PGM5: variants seen among roughly 807,000 people sequenced by gnomAD.
PGM5 encodes the protein phosphoglucomutase-like protein 5.
In PGM5, 23 loss-of-function variants were observed where a neutral mutation model predicts 59.2. The ratio of observed to expected loss-of-function variants is 0.39; its 90% CI spans 0.28 to 0.55. The LOEUF (loss-of-function observed/expected upper bound fraction) is 0.55. Ranked by LOEUF, PGM5 falls within the 20% of genes least tolerant of loss-of-function variation. PGM5 has a pLI of 0.66. For missense variants in PGM5, 574 were observed against 748.3 expected (o/e 0.77, Z 2.72); for synonymous variants, 214 against 286.0 (o/e 0.75, Z 2.54).
intron 10 of PGM5, among the ~76,000 whole-genome samples, chr9:68,506,424 T>G (rs1456236058): frequency 6.6e-6 from 1 of 152,218 alleles, no homozygotes; most frequent in African/African-American, 2.4e-5. Context: ...ACCTATCTGG[T>G]TCTGAAGGCT....
At chr9:68,414,523 C>T (rs1554681833) in intron 6 of PGM5, among the ~76,000 whole-genome samples, 1 of 152,086 alleles carries the variant, frequency 6.6e-6, no homozygotes, top group Non-Finnish European at 1.5e-5. Flanking sequence ...AACAACCCTC[C>T]TTTCTCTTTA....
chr9:68,488,280 C>T (rs1013950926), intron 9 of PGM5, among the ~76,000 whole-genome samples: 14 of 152,078 alleles, frequency 9.2e-5, no homozygotes, highest in Admixed American at 2.0e-4. Flanking sequence ...CTTTAGAAAG[C>T]GAAAGGTTTT....
At chr9:68,397,024 G>C (rs373441276) in intron 6 of PGM5, 2 of 152,662 alleles carry the variant, frequency 1.3e-5, no homozygotes. Context: ...AAGATTTTCA[G>C]TGTCTTTAAT....
chr9:68,439,717 A>T (rs1361184169), intron 6 of PGM5, among the ~76,000 whole-genome samples: 1 of 146,074 alleles, frequency 6.8e-6, no homozygotes, highest in East Asian at 1.9e-4. Flanking sequence ...ACACACACAC[A>T]TATATATATA....
intron 6 of PGM5, among the ~76,000 whole-genome samples, chr9:68,410,983 G>A (rs781982797): frequency 3.3e-5 from 5 of 152,170 alleles, no homozygotes; most frequent in Admixed American, 6.5e-5. Context: ...TCATGGAAAG[G>A]CCCCAGCAGT....
At chr9:68,477,227 G>A (rs1413094014) in intron 7 of PGM5, among the ~76,000 whole-genome samples, 2 of 152,194 alleles carry the variant, frequency 1.3e-5, no homozygotes, top group African/African-American at 4.8e-5. Context: ...AGTGCCATTA[G>A]CAGACCGTTG....
chr9:68,428,384 G>A (rs1374993109), intron 6 of PGM5, among the ~76,000 whole-genome samples: 6 of 152,152 alleles, frequency 3.9e-5, no homozygotes, highest in South Asian at 2.1e-4. Context: ...AGAGGTTTGC[G>A]AGGTGTTTAT....
chr9:68,363,728 C>T (rs1455494608), intron 1 of PGM5, among the ~76,000 whole-genome samples: 6 of 152,380 alleles, frequency 3.9e-5, no homozygotes, highest in Admixed American at 3.9e-4. Flanking sequence ...GGTTGAGGGG[C>T]CTTGGAATTT....
At chr9:68,406,809 G>A (rs2132035007) in intron 6 of PGM5, among the ~76,000 whole-genome samples, 2 of 148,200 alleles carry the variant, frequency 1.3e-5, no homozygotes, top group East Asian at 4.0e-4. Context: ...GGGCTTTATG[G>A]ATAAGAGAGT....
At chr9:68,493,006 C>G (rs1824423004) in intron 9 of PGM5, among the ~76,000 whole-genome samples, 1 of 152,188 alleles carries the variant, frequency 6.6e-6, no homozygotes, top group Non-Finnish European at 1.5e-5. Context: ...TGTCCTGTCT[C>G]CAGGTTCACA....
At chr9:68,361,208 A>G (rs1834572522) in intron 1 of PGM5, among the ~76,000 whole-genome samples, 1 of 152,176 alleles carries the variant, frequency 6.6e-6, no homozygotes, top group Non-Finnish European at 1.5e-5. Context: ...GTTTGTTCAA[A>G]TTAGTTTCTT....
At chr9:68,425,786 T>C (rs1172948225) in intron 6 of PGM5, among the ~76,000 whole-genome samples, 4 of 152,208 alleles carry the variant, frequency 2.6e-5, no homozygotes, top group African/African-American at 9.6e-5. Context: ...TGATTAATGA[T>C]GCAGAGTCTT....
chr9:68,508,581 A>G (rs1824694050), intron 10 of PGM5, among the ~76,000 whole-genome samples: 2 of 152,238 alleles, frequency 1.3e-5, no homozygotes, highest in African/African-American at 4.8e-5. Flanking sequence ...GCTATTGGTT[A>G]ACCCAGTGAT....
intron 6 of PGM5, among the ~76,000 whole-genome samples, chr9:68,453,937 G>A (rs781783878): frequency 3.9e-5 from 6 of 152,260 alleles, no homozygotes; most frequent in South Asian, 4.1e-4. Context: ...GTAAGGAAGC[G>A]GCCTAAGTCC....
At chr9:68,385,549 G>A (rs1369370342) in intron 3 of PGM5, among the ~76,000 whole-genome samples, 1 of 152,062 alleles carries the variant, frequency 6.6e-6, no homozygotes, top group African/African-American at 2.4e-5. Context: ...AATTTACAGA[G>A]AGCCATGATA....
intron 1 of PGM5, among the ~76,000 whole-genome samples, chr9:68,364,346 A>G (rs1834638954): frequency 6.6e-6 from 1 of 152,246 alleles, no homozygotes; most frequent in Non-Finnish European, 1.5e-5. Flanking sequence ...TATCTGGGGA[A>G]CAAATTCTTG....
chr9:68,414,026 T>C (rs1554681809), intron 6 of PGM5, among the ~76,000 whole-genome samples: 1 of 152,192 alleles, frequency 6.6e-6, no homozygotes, highest in African/African-American at 2.4e-5. Flanking sequence ...TTGTGTCTCT[T>C]GGAGGTGAGT....
At chr9:68,472,614 A>C (rs1299502254) in intron 7 of PGM5, among the ~76,000 whole-genome samples, 2 of 152,180 alleles carry the variant, frequency 1.3e-5, no homozygotes, top group African/African-American at 4.8e-5. Flanking sequence ...TGAGGAGCAA[A>C]CCTGATGAAT....
chr9:68,444,645 A>G (rs1348661853), intron 6 of PGM5, among the ~76,000 whole-genome samples: 2 of 152,222 alleles, frequency 1.3e-5, no homozygotes, highest in Non-Finnish European at 2.9e-5. Flanking sequence ...CTCTTTGGCC[A>G]GGCAAGAGGA....
Sources: gnomAD v4.1 joint callset for allele counts (sites outside exome capture counted in the v4.1 genomes callset) on GRCh38, gnomAD v4.1.1 for gene constraint, MANE v1.5 for transcripts, NCBI Gene and HGNC (gene_info 2026-07-23, HGNC 2026-07-21) for gene names.